Variants in POLN observed in about 807,000 individuals in gnomAD.
The protein encoded by POLN is DNA polymerase N.
POLN carries 108 observed loss-of-function variants against 113.5 expected under a neutral mutation model. That is an observed-to-expected ratio of 0.95 (90% CI 0.81 to 1.12). The LOEUF is 1.12. Ranked by LOEUF, POLN falls within the 50% of genes most tolerant of loss-of-function variation. The pLI is 0.00. For synonymous variants in POLN, 386 were observed against 391.5 expected, an observed-to-expected ratio of 0.99 and a Z score of 0.17; for missense variants, 1,097 against 1,077.1, an observed-to-expected ratio of 1.02 and a Z score of -0.26.
At chr4:2,205,785 G>A (rs979195886) in intron 5 of POLN, among the ~76,000 whole-genome samples, 3 of 150,152 alleles carry the variant, frequency 2.0e-5, no homozygotes, top group African/African-American at 7.4e-5. Context: ...TGAGGCAGAA[G>A]AATCACTTGA....
intron 9 of POLN, among the ~76,000 whole-genome samples, chr4:2,174,968 A>AC (rs1242063458): frequency 1.3e-5 from 2 of 151,674 alleles, no homozygotes; most frequent in African/African-American, 4.8e-5. Flanking sequence ...GACTACAGGC[A>AC]CCCCCCACCA....
Position 2,189,504 on chromosome 4 carries a change from T to C in POLN, c.1021+3700A>G, listed in dbSNP as rs562859140. Among the ~76,000 whole-genome samples, 539 of 150,298 alleles carry C rather than the reference T, an allele frequency of 3.6e-3. 3 individuals are homozygous for C. The highest frequency in any genetic ancestry group is 0.012 in the African/African-American group (506 of 40,960). On this transcript the variant is annotated intron_variant, in intron 7 of 25. Transcript: ENST00000511885. ...AATACAAAAAATTAGCCAGGCATGG[T>C]GGCGGGCGCCTGTAGTCCCAGCTAC...
chr4:2,188,142 GAAAAC>G (rs1733326663), intron 7 of POLN, among the ~76,000 whole-genome samples: 1 of 151,572 alleles, frequency 6.6e-6, no homozygotes, highest in Admixed American at 6.6e-5. Context: ...CAATAAAAAG[GAAAAC>G]AAAACAAAAG....
At chr4:2,159,984 C>CGTATT (rs1732539284) in intron 13 of POLN, among the ~76,000 whole-genome samples, 1 of 152,174 alleles carries the variant, frequency 6.6e-6, no homozygotes. Flanking sequence ...CTGTGGAATA[C>CGTATT]ATACATGAAG....
intron 3 of POLN, among the ~76,000 whole-genome samples, chr4:2,222,232 C>A (rs951738015): frequency 2.6e-5 from 4 of 152,172 alleles, no homozygotes. Flanking sequence ...TCCTGTATCT[C>A]AGGGTCTGGT....
chr4:2,153,818 T>C (rs950720347), intron 16 of POLN, among the ~76,000 whole-genome samples: 2 of 151,934 alleles, frequency 1.3e-5, no homozygotes, highest in African/African-American at 2.4e-5. Context: ...TCTCCTGACC[T>C]TGTGATCCAC....
intron 7 of POLN, among the ~76,000 whole-genome samples, chr4:2,190,355 C>T (rs959482322): frequency 2.6e-5 from 4 of 152,096 alleles, no homozygotes; most frequent in Admixed American, 2.0e-4. Context: ...AGACTCCTAT[C>T]TCTCACCATA....
chr4:2,106,819 T>C (rs971050539), intron 19 of POLN, among the ~76,000 whole-genome samples: 6 of 152,222 alleles, frequency 3.9e-5, no homozygotes, highest in African/African-American at 1.2e-4. Flanking sequence ...TTTTAGTATC[T>C]GGCAGGACTT....
intron 7 of POLN, among the ~76,000 whole-genome samples, chr4:2,192,358 T>C (rs1052886702): frequency 2.6e-5 from 4 of 152,214 alleles, no homozygotes; most frequent in African/African-American, 7.2e-5. Flanking sequence ...TCTAGTTTTT[T>C]TATTTCTCCT....
At chr4:2,150,716 C>G (rs991266365) in intron 16 of POLN, among the ~76,000 whole-genome samples, 1 of 151,960 alleles carries the variant, frequency 6.6e-6, no homozygotes, top group African/African-American at 2.4e-5. Context: ...TAGACAAAGG[C>G]GCCAAGGTAA....
chr4:2,160,013 T>A (rs888637950), intron 13 of POLN, among the ~76,000 whole-genome samples: 15 of 152,234 alleles, frequency 9.9e-5, no homozygotes, highest in African/African-American at 3.1e-4. Flanking sequence ...AACTGCTGCA[T>A]CAACTTTAGC....
At chr4:2,135,618 G>A (rs1731836678) in intron 16 of POLN, among the ~76,000 whole-genome samples, 2 of 152,206 alleles carry the variant, frequency 1.3e-5, no homozygotes, top group Non-Finnish European at 2.9e-5. Context: ...AAGACCGAGG[G>A]TGACCAAAGT....
intron 23 of POLN, chr4:2,080,248 TGGGCGA>T: frequency 1.0e-6 from 1 of 987,474 alleles, no homozygotes. Context: ...AGGAGGTGGC[TGGGCGA>T]GGGCTGCTTG....
intron 5 of POLN, among the ~76,000 whole-genome samples, chr4:2,199,611 C>G (rs1329963440): frequency 6.6e-6 from 1 of 152,156 alleles, no homozygotes; most frequent in African/African-American, 2.4e-5. Flanking sequence ...GAGTCTTGCT[C>G]TGTCGCCCAG....
At chr4:2,138,923 A>G (rs1367525745) in intron 16 of POLN, among the ~76,000 whole-genome samples, 1 of 151,234 alleles carries the variant, frequency 6.6e-6, no homozygotes, top group Non-Finnish European at 1.5e-5. Context: ...GAAAAGAAAA[A>G]GGTGAAATCA....
chr4:2,171,714 T>G (rs937626595), intron 11 of POLN, among the ~76,000 whole-genome samples: 3 of 149,812 alleles, frequency 2.0e-5, no homozygotes, highest in Admixed American at 6.6e-5. Flanking sequence ...CCGAGGCAGG[T>G]GGGTGTCTTG....
chr4:2,138,330 C>CT (rs1320591622), intron 16 of POLN, among the ~76,000 whole-genome samples: 2 of 152,174 alleles, frequency 1.3e-5, no homozygotes, highest in Non-Finnish European at 2.9e-5. Flanking sequence ...CCCAAGAGCT[C>CT]TGGGAGCCAC....
In POLN at chr4:2,072,873, G is replaced by A. The variant is rs1026876036; in HGVS notation, c.2517+95C>T. 5.2e-6 allele frequency: 7 copies of A among 1,343,110 alleles called. No individual in the cohort carries two copies. The African/African-American group carries it at 7.2e-5, about 14-fold the overall frequency. 83.2% of individuals were successfully genotyped at this position (1,343,110 alleles called of 1,614,324 possible). ...GTGGAGTGGCCATCTCGGGGCTGGG[G>A]CTGCACCCTTTGGCCTGGCTCTTTT... On this transcript the variant is annotated intron_variant, in intron 25 of 25. Coordinates refer to ENST00000511885, the MANE Select transcript of POLN (RefSeq NM_181808.4).
At chr4:2,237,137 T>C (rs1056155625) in intron 2 of POLN, among the ~76,000 whole-genome samples, 23 of 152,018 alleles carry the variant, frequency 1.5e-4, no homozygotes, top group African/African-American at 3.6e-4. Context: ...ACATGTCTCA[T>C]AGAATATAAC....
Sources: gnomAD v4.1 joint callset for allele counts (sites outside exome capture counted in the v4.1 genomes callset) on GRCh38, gnomAD v4.1.1 for gene constraint, MANE v1.5 for transcripts, NCBI Gene and HGNC (gene_info 2026-07-23, HGNC 2026-07-21) for gene names.